The following NR5A2 variants were observed in gnomAD, a reference collection of about 807,000 sequenced individuals.
The protein encoded by NR5A2 is nuclear receptor subfamily 5 group A member 2.
A neutral mutation model predicts 62.7 loss-of-function variants in NR5A2; 26 were observed. The ratio of observed to expected loss-of-function variants is 0.41; its 90% CI spans 0.30 to 0.58. NR5A2 has a LOEUF of 0.58. Ranked by LOEUF, NR5A2 falls within the 20% of genes least tolerant of loss-of-function variation. The pLI is 0.22. For missense variants in NR5A2, 541 were observed against 669.1 expected (o/e 0.81, Z 2.11); for synonymous variants, 246 against 241.7 (o/e 1.02, Z -0.16).
rs138791602 is a variant in NR5A2, at chr1:200,062,040, C to T, written c.1110+13222C>T. ...AATGGTAAAGGCAATATGTAGACAT[C>T]TTTGCTTTACTTTTAAGCAACATTC... is the stretch of plus-strand genomic sequence containing the variant. On this transcript the variant is annotated intron_variant, in intron 5 of 7. Coordinates refer to ENST00000367362, the MANE Select transcript of NR5A2 (RefSeq NM_205860.3). 1.2e-3 allele frequency among the ~76,000 whole-genome samples: 188 copies of T among 152,298 alleles called. 4 individuals are homozygous for T. The East Asian group carries it at 0.034, about 27-fold the overall frequency.
intron 1 of NR5A2, among the ~76,000 whole-genome samples, chr1:200,033,410 A>G (rs1260338704): frequency 6.6e-6 from 1 of 152,106 alleles, no homozygotes; most frequent in East Asian, 1.9e-4. Context: ...AATTAAAAAA[A>G]AAAGCACTTT....
At chr1:200,082,838 C>G (rs547735933) in intron 5 of NR5A2, among the ~76,000 whole-genome samples, 1 of 152,198 alleles carries the variant, frequency 6.6e-6, no homozygotes, top group Non-Finnish European at 1.5e-5. Context: ...CTACAAAGGT[C>G]TTACATATTT....
chr1:200,145,399 G>A (rs73082682), intron 7 of NR5A2, among the ~76,000 whole-genome samples: 1,694 of 151,624 alleles, frequency 0.011, 36 homozygotes, highest in African/African-American at 0.039. Context: ...TATGAAGCAG[G>A]TGGTTCACCA....
chr1:200,143,790 C>T (rs147795524), intron 7 of NR5A2, among the ~76,000 whole-genome samples: 13,189 of 151,798 alleles, frequency 0.087, 773 homozygotes, highest in Non-Finnish European at 0.13. Flanking sequence ...TACAGGCGCG[C>T]GCCACCAGGC....
intron 5 of NR5A2, among the ~76,000 whole-genome samples, chr1:200,055,949 C>T (rs1222203258): frequency 6.6e-6 from 1 of 152,078 alleles, no homozygotes; most frequent in East Asian, 1.9e-4. Context: ...TGAAAGTGTT[C>T]TGTCTTTGTG....
At chr1:200,085,171 C>T (rs951112147) in intron 5 of NR5A2, among the ~76,000 whole-genome samples, 13 of 152,264 alleles carry the variant, frequency 8.5e-5, no homozygotes, top group East Asian at 7.7e-4. Flanking sequence ...TTACTTAGCT[C>T]GTTTTAGGCT....
chr1:200,043,462 T>C (rs1418273312), intron 2 of NR5A2, among the ~76,000 whole-genome samples: 2 of 152,274 alleles, frequency 1.3e-5, no homozygotes, highest in Non-Finnish European at 1.5e-5. Flanking sequence ...TGTCACCTTA[T>C]GCAATTCATG....
At chr1:200,108,897 G>A (rs1665814253) in intron 5 of NR5A2, among the ~76,000 whole-genome samples, 1 of 152,164 alleles carries the variant, frequency 6.6e-6, no homozygotes, top group South Asian at 2.1e-4. Context: ...CAGCTCCTTG[G>A]GTCAGCTGTG....
intron 7 of NR5A2, chr1:200,148,216 C>A: frequency 4.1e-6 from 1 of 241,468 alleles, no homozygotes; most frequent in Non-Finnish European, 8.4e-6. Context: ...CAGCCGCCGC[C>A]CCGACTCCAC....
intron 5 of NR5A2, among the ~76,000 whole-genome samples, chr1:200,061,025 C>T (rs1042173549): frequency 3.1e-4 from 44 of 143,664 alleles, no homozygotes; most frequent in Admixed American, 1.2e-3. Flanking sequence ...GAGGCTGAGG[C>T]AGGATAATTG....
At chr1:200,037,481 CTTAA>C (rs1446340016) in intron 1 of NR5A2, among the ~76,000 whole-genome samples, 1 of 152,142 alleles carries the variant, frequency 6.6e-6, no homozygotes, top group Non-Finnish European at 1.5e-5. Context: ...GGAGGTTCTT[CTTAA>C]TTAAGGCTTT....
intron 5 of NR5A2, among the ~76,000 whole-genome samples, chr1:200,069,727 C>T (rs1263885229): frequency 1.3e-5 from 2 of 152,190 alleles, no homozygotes; most frequent in Non-Finnish European, 2.9e-5. Context: ...AAAGGAATCA[C>T]ATTAAAAACT....
At chr1:200,105,692 C>T (rs1665616834) in intron 5 of NR5A2, among the ~76,000 whole-genome samples, 3 of 152,204 alleles carry the variant, frequency 2.0e-5, no homozygotes, top group South Asian at 2.1e-4. Flanking sequence ...GGGGTCATAC[C>T]CATAGTCCCA....
At chr1:200,131,331 A>T (rs1285082610) in intron 7 of NR5A2, among the ~76,000 whole-genome samples, 1 of 152,212 alleles carries the variant, frequency 6.6e-6, no homozygotes, top group Admixed American at 6.5e-5. Flanking sequence ...ATGAACTTAC[A>T]GCCATGGAAG....
chr1:200,114,627 T>G (rs1281860758), intron 6 of NR5A2, among the ~76,000 whole-genome samples: 1 of 152,304 alleles, frequency 6.6e-6, no homozygotes, highest in East Asian at 1.9e-4. Flanking sequence ...CAGTAGGAAT[T>G]ACAGGAAGTA....
rs919299434 is a variant in NR5A2 at position 200,176,174 on chromosome 1, G to A, written c.*1964G>A. On this transcript the variant is annotated 3_prime_UTR_variant, in exon 8 of 8. Coordinates refer to ENST00000367362, the MANE Select transcript of NR5A2 (RefSeq NM_205860.3). ...ATATCTATTGTAAATTATGTGACTT[G>A]TAGCTTCCTCTGGTTTTCAAGTAAA... The A allele has an allele frequency of 6.6e-6, 1 of 152,560 alleles. No individual in the cohort carries two copies. The highest frequency in any genetic ancestry group is 1.5e-5 in the Non-Finnish European group (1 of 68,024). 9.5% of individuals were successfully genotyped at this position (152,560 alleles called of 1,614,324 possible).
chr1:200,113,560 G>A (rs767594366), intron 6 of NR5A2, among the ~76,000 whole-genome samples: 1 of 152,160 alleles, frequency 6.6e-6, no homozygotes, highest in South Asian at 2.1e-4. Context: ...TTAAAGCAGG[G>A]TCATATACAT....
At chr1:200,149,449 A>G (rs1667889202) in intron 7 of NR5A2, among the ~76,000 whole-genome samples, 1 of 152,190 alleles carries the variant, frequency 6.6e-6, no homozygotes, top group African/African-American at 2.4e-5. Context: ...GCCGAGGCTA[A>G]CAGCCTCTTT....
chr1:200,068,020 C>T (rs771370211), intron 5 of NR5A2, among the ~76,000 whole-genome samples: 7 of 152,124 alleles, frequency 4.6e-5, no homozygotes, highest in African/African-American at 7.2e-5. Context: ...GAATTTCATC[C>T]GATGTTTGCA....
Sources: gnomAD v4.1 joint callset for allele counts (sites outside exome capture counted in the v4.1 genomes callset) on GRCh38, gnomAD v4.1.1 for gene constraint, MANE v1.5 for transcripts, NCBI Gene and HGNC (gene_info 2026-07-23, HGNC 2026-07-21) for gene names.